TMEM120B: variants seen among roughly 807,000 people sequenced by gnomAD.
The protein encoded by TMEM120B is transmembrane protein 120B.
In TMEM120B, 31 loss-of-function variants were observed where a neutral mutation model predicts 55.5. The ratio of observed to expected loss-of-function variants is 0.56; its 90% CI spans 0.42 to 0.75. TMEM120B has a LOEUF of 0.75. Ranked by LOEUF, TMEM120B falls within the 30% of genes least tolerant of loss-of-function variation. The pLI is 0.00. For missense variants in TMEM120B, 399 were observed against 425.5 expected, an observed-to-expected ratio of 0.94 and a Z score of 0.55; for synonymous variants, 203 against 176.3, an observed-to-expected ratio of 1.15 and a Z score of -1.20.
chr12:121,760,407 G>A (rs941632067), intron 5 of TMEM120B, among the ~76,000 whole-genome samples: 4 of 152,150 alleles, frequency 2.6e-5, no homozygotes, highest in Non-Finnish European at 5.9e-5. Context: ...GCAGACTTCC[G>A]GGGGTCTGGT....
chr12:121,739,872 G>A (rs1055041480), intron 1 of TMEM120B, among the ~76,000 whole-genome samples: 7 of 145,004 alleles, frequency 4.8e-5, no homozygotes, highest in South Asian at 2.2e-4. Context: ...TCCCCCTCCC[G>A]GGTTGAAGCG....
Position 121,775,470 on chromosome 12 carries a change from C to T in TMEM120B, c.907-139C>T. The T allele has an allele frequency of 6.9e-7, 1 of 1,447,586 alleles. No individual in the cohort carries two copies. Among genetic ancestry groups the T allele is most frequent in the African/African-American group, 1.4e-5 (1 of 70,298 alleles). 89.7% of individuals were successfully genotyped at this position (1,447,586 alleles called of 1,614,324 possible). ...GAGGCCTCACCCTTCCCCCAGGTCT[C>T]CTGAATCTCTGCCTTCGATGGCAAA... On this transcript the variant is annotated intron_variant, in intron 11 of 11. Coordinates refer to ENST00000449592, the MANE Select transcript of TMEM120B (RefSeq NM_001080825.2). The surrounding 1 kb of genome is among the most constrained non-coding windows in gnomAD (Gnocchi z 4.3).
intron 6 of TMEM120B, among the ~76,000 whole-genome samples, chr12:121,768,529 C>G (rs938061115): frequency 3.3e-5 from 5 of 152,176 alleles, no homozygotes; most frequent in Admixed American, 3.3e-4. Flanking sequence ...AGAGAAAGCA[C>G]GTGGGCGTGT....
chr12:121,769,391 A>G (rs1004954111), intron 6 of TMEM120B, among the ~76,000 whole-genome samples: 5 of 152,250 alleles, frequency 3.3e-5, no homozygotes, highest in African/African-American at 4.8e-5. Context: ...GTACAGGGCA[A>G]TGTCATAGCT....
At chr12:121,734,223 C>T (rs1895060552) in intron 1 of TMEM120B, among the ~76,000 whole-genome samples, 1 of 152,022 alleles carries the variant, frequency 6.6e-6, no homozygotes, top group Non-Finnish European at 1.5e-5. Context: ...AGGGGTAACT[C>T]ACATGGCTGG....
chr12:121,749,776 C>T (rs909361887), intron 3 of TMEM120B, among the ~76,000 whole-genome samples: 1 of 151,774 alleles, frequency 6.6e-6, no homozygotes, highest in African/African-American at 2.4e-5. Context: ...CCTGGTGGCA[C>T]GTGCCTGTAA....
In TMEM120B at chr12:121,748,407, C is replaced by G. The variant is rs200697173; in HGVS notation, c.270C>G (p.Phe90Leu). ...ACATCAAGGAGCGGCAGGACGTCTT[C>G]TTCGACATGGAGGCCTACCTGCCCA... is the stretch of plus-strand genomic sequence containing the variant. ...AANIKERQDV[F>L]FDMEAYLPKK... Residue 90 changes from phenylalanine to leucine, a missense_variant, in exon 3 of 12, where the codon TTC becomes TTG. By Grantham distance (22) the Phe-to-Leu change is conservative. Around this residue, in one of 3 missense-constraint regions of TMEM120B, gnomAD observed 133 missense variants for 104.1 expected, o/e 1.28. Transcript: ENST00000449592. 58 of 1,610,908 alleles carry G rather than the reference C, an allele frequency of 3.6e-5. No homozygotes were observed. The highest frequency in any genetic ancestry group is 4.9e-5 in the Non-Finnish European group (58 of 1,178,604).
At chr12:121,765,284 C>G (rs2137321594) in intron 6 of TMEM120B, among the ~76,000 whole-genome samples, 1 of 152,094 alleles carries the variant, frequency 6.6e-6, no homozygotes, top group East Asian at 1.9e-4. Flanking sequence ...TGCACACCAC[C>G]ATGCCTAGCT....
intron 1 of TMEM120B, among the ~76,000 whole-genome samples, chr12:121,741,937 T>C (rs1260299460): frequency 6.6e-6 from 1 of 151,940 alleles, no homozygotes; most frequent in Admixed American, 6.6e-5. Context: ...ACAGCATTCT[T>C]GGATGTCTCC....
At position 121,781,460 on chromosome 12, in the gene TMEM120B, G is replaced by A; in HGVS notation, c.*5738G>A. On this transcript the variant is annotated 3_prime_UTR_variant, in exon 12 of 12. Transcript: ENST00000449592. The stretch of plus-strand genomic sequence containing the variant: ...CACTCCAGCCTGGGTGACAGAGCGA[G>A]ACCCTGTCTCTTAACAACAAAACCC... 2.4e-6 allele frequency: 1 copy of A among 410,274 alleles called. No individual in the cohort carries two copies. The highest frequency in any genetic ancestry group is 4.5e-6 in the Non-Finnish European group (1 of 220,666). The allele number at this position is 410,274 out of a possible 1,614,324, so 25.4% of individuals were successfully genotyped here.
Position 121,748,377 on chromosome 12 carries a change from AGC to A in TMEM120B, c.242_243del (p.Ala81GlufsTer49), listed in dbSNP as rs1369773659. The A allele has an allele frequency of 1.9e-6, 3 of 1,611,110 alleles. No homozygotes were observed. Among genetic ancestry groups the A allele is most frequent in the Non-Finnish European group, 2.5e-6 (3 of 1,178,674 alleles). Reference protein sequence around the residue: ...EEAELVQQMAANIKERQDVFF... With the variant: ...EEAELVQQMAXNIKERQDVFF... ...AGGCGGAGCTCGTTCAGCAGATGGC[AGC>A]GAACATCAAGGAGCGGCAGGACGTC... is the stretch of plus-strand genomic sequence containing the variant. On this transcript the variant is annotated frameshift_variant, in exon 3 of 12. Coordinates refer to ENST00000449592, the MANE Select transcript of TMEM120B (RefSeq NM_001080825.2). LOFTEE classifies it high-confidence loss of function.
chr12:121,766,305 C>G (rs1028657431), intron 6 of TMEM120B, among the ~76,000 whole-genome samples: 3 of 150,510 alleles, frequency 2.0e-5, no homozygotes, highest in Non-Finnish European at 3.0e-5. Context: ...ATAAGCAAGT[C>G]AGCTCTTGTA....
chr12:121,759,660 A>T (rs1483083419), intron 5 of TMEM120B, among the ~76,000 whole-genome samples: 1 of 150,402 alleles, frequency 6.6e-6, no homozygotes, highest in Non-Finnish European at 1.5e-5. Context: ...CCTGGGTGAA[A>T]GAGTGAAACT....
chr12:121,773,752 G>T (rs779469017), intron 9 of TMEM120B, among the ~76,000 whole-genome samples: 121 of 119,708 alleles, frequency 1.0e-3, no homozygotes, highest in African/African-American at 1.5e-3. Flanking sequence ...CTATTTTTTT[G>T]TGTGTGTTCT....
chr12:121,741,414 G>A (rs924200015), intron 1 of TMEM120B, among the ~76,000 whole-genome samples: 1 of 152,068 alleles, frequency 6.6e-6, no homozygotes, highest in Admixed American at 6.6e-5. Flanking sequence ...ACCACAACCT[G>A]TGCCTCCCGG....
At chr12:121,773,296 A>AT (rs1874120925) in intron 8 of TMEM120B, 125 bp from the exon 9 acceptor site, 11 of 791,572 alleles carry the variant, frequency 1.4e-5, no homozygotes, top group Non-Finnish European at 2.2e-5. Flanking sequence ...AGAGGGTTGT[A>AT]ACCAGGGCAC....
At chr12:121,724,918 A>G (rs537236664) in intron 1 of TMEM120B, among the ~76,000 whole-genome samples, 1 of 152,248 alleles carries the variant, frequency 6.6e-6, no homozygotes, top group East Asian at 1.9e-4. Flanking sequence ...CCAACATACT[A>G]AAAGTTTTAT....
rs371230721 is a variant in TMEM120B, at chr12:121,775,166, C to T, written c.906+36C>T. The T allele has an allele frequency of 2.6e-4, 82 of 317,870 alleles. No individual in the cohort carries two copies. Among genetic ancestry groups the T allele is most frequent in the African/African-American group, 3.4e-4 (4 of 11,728 alleles). 19.7% of individuals were successfully genotyped at this position (317,870 alleles called of 1,614,324 possible). On this transcript the variant is annotated intron_variant, in intron 11 of 11. Transcript: ENST00000449592. The surrounding 1 kb of genome is among the most constrained non-coding windows in gnomAD (Gnocchi z 4.3). ...TGGGGGCATGCTCGGGGGAGGTTCC[C>T]GGGAGGGCTGGGGTGGCAGGGATGG...
chr12:121,768,127 A>G (rs1025903105), intron 6 of TMEM120B, among the ~76,000 whole-genome samples: 3 of 152,150 alleles, frequency 2.0e-5, no homozygotes, highest in Admixed American at 2.0e-4. Flanking sequence ...ACTAGGATAC[A>G]TGAGTGGAGG....
Sources: gnomAD v4.1 joint callset for allele counts (sites outside exome capture counted in the v4.1 genomes callset) on GRCh38, gnomAD v4.1.1 for gene constraint, gnomAD v4.1.1 regional missense constraint, Gnocchi (gnomAD v3.1) non-coding constraint, MANE v1.5 for transcripts, NCBI Gene and HGNC (gene_info 2026-07-23, HGNC 2026-07-21) for gene names.